The following RPS6KA3 variants were observed in gnomAD, a reference collection of about 807,000 sequenced individuals.
RPS6KA3 encodes the protein ribosomal protein S6 kinase A3.
Under a neutral mutation model 67.2 loss-of-function variants are expected in RPS6KA3, and 4 were observed. The observed-to-expected ratio is 0.06, with a 90% confidence interval of 0.03 to 0.14. The LOEUF (loss-of-function observed/expected upper bound fraction) is 0.14. Ranked by LOEUF, RPS6KA3 falls within the 10% of genes least tolerant of loss-of-function variation. The pLI is 1.00. For synonymous variants in RPS6KA3, 182 were observed against 183.7 expected (o/e 0.99, Z 0.07); for missense variants, 204 against 559.0 (o/e 0.36, Z 6.40).
chrX:20,151,992 C>G lies in RPS6KA3; in HGVS notation c.*3406G>C, dbSNP rs919132090. On this transcript the variant is annotated 3_prime_UTR_variant, in exon 22 of 22. Coordinates refer to ENST00000379565, the MANE Select transcript of RPS6KA3 (RefSeq NM_004586.3). The stretch of plus-strand genomic sequence containing the variant: ...CACCTCCCATGATGTCCCCTGGCCC[C>G]AACAGCAGTCACTTCTTAAAAAGAG... The G allele has an allele frequency of 1.8e-5, 2 of 112,132 alleles. No individual in the cohort carries two copies. Among genetic ancestry groups the G allele is most frequent in the East Asian group, 2.8e-4 (1 of 3,596 alleles). The allele number at this position is 112,132 out of a possible 1,213,427, so 9.2% of individuals were successfully genotyped here.
Position 20,266,755 on chromosome X carries a change from C to A in RPS6KA3, c.-123G>T. On this transcript the variant is annotated 5_prime_UTR_variant, in exon 1 of 22. Coordinates refer to ENST00000379565, the MANE Select transcript of RPS6KA3 (RefSeq NM_004586.3). ...GCGGCGGCGGCGGCGGCGGCAGCGG[C>A]AGCGGCAGCGGCAGCAGCAGCAGCA... The A allele has an allele frequency of 3.1e-6, 1 of 324,055 alleles. No individual in the cohort carries two copies. The highest frequency in any genetic ancestry group is 4.0e-6 in the Non-Finnish European group (1 of 248,872). The allele number at this position is 324,055 out of a possible 1,213,427, so 26.7% of individuals were successfully genotyped here. A position where few individuals can be genotyped will look rare whatever the true frequency, so the allele number is the denominator to read the frequency against.
chrX:20,206,803 C>G (rs1320531339), intron 3 of RPS6KA3, among the ~76,000 whole-genome samples: 1 of 111,495 alleles, frequency 9.0e-6, no homozygotes, highest in Non-Finnish European at 1.9e-5. Flanking sequence ...GAGGAAGAGG[C>G]AGGGGTAGAG....
intron 2 of RPS6KA3, 145 bp downstream of exon 2, chrX:20,234,613 C>T: frequency 2.1e-6 from 1 of 484,689 alleles, no homozygotes; most frequent in Non-Finnish European, 3.7e-6. Flanking sequence ...CTGGCATACT[C>T]AATAATGTAG....
intron 4 of RPS6KA3, among the ~76,000 whole-genome samples, chrX:20,198,382 T>G (rs114952916): frequency 0.025 from 2,805 of 111,744 alleles, 95 homozygotes; most frequent in African/African-American, 0.086. Flanking sequence ...AAAGAAAAGA[T>G]AGCAAAAGAC....
Position 20,175,284 on chromosome X carries a change from T to A in RPS6KA3, c.1107A>T (p.Ser369=). Residue 369 remains serine, a synonymous_variant, in exon 14 of 22, where the codon TCA becomes TCT. Transcript: ENST00000379565. ...PEFTAKTPKD[S]PGIPPSANAH... is the part of the protein sequence containing the mutation. The stretch of plus-strand genomic sequence containing the variant: ...CATTAGCACTAGGTGGAATGCCAGG[T>A]GAATCTGAAAAGAGTAAGAAGTGAC... 8.3e-7 allele frequency: 1 copy of A among 1,209,219 alleles called. No homozygotes were observed. Among genetic ancestry groups the A allele is most frequent in the East Asian group, 3.0e-5 (1 of 33,786 alleles).
intron 1 of RPS6KA3, among the ~76,000 whole-genome samples, chrX:20,245,481 T>A (rs1433993020): frequency 8.9e-6 from 1 of 111,844 alleles, no homozygotes; most frequent in Non-Finnish European, 1.9e-5. Flanking sequence ...AAGAAAAAAA[T>A]ACAATATTGG....
intron 2 of RPS6KA3, among the ~76,000 whole-genome samples, chrX:20,227,602 G>C (rs1009632267): frequency 9.0e-6 from 1 of 110,569 alleles, no homozygotes; most frequent in African/African-American, 3.3e-5. Context: ...TTGAGAGTAG[G>C]GCTTTTTAAA....
Position 20,152,558 on chromosome X carries a change from G to T in RPS6KA3, c.*2840C>A, listed in dbSNP as rs201718012. On this transcript the variant is annotated 3_prime_UTR_variant, in exon 22 of 22. Coordinates refer to ENST00000379565, the MANE Select transcript of RPS6KA3 (RefSeq NM_004586.3). ...TGGCAGCACTAATTGGTGAAAGGCAGAAGCCTTTAGGGGCCTCAATACCAC... is the reference window on the plus strand; with the variant it reads ...TGGCAGCACTAATTGGTGAAAGGCATAAGCCTTTAGGGGCCTCAATACCAC... The T allele has an allele frequency of 3.6e-5, 4 of 112,154 alleles. No individual in the cohort carries two copies. In the East Asian group the frequency reaches 1.1e-3, roughly 31 times the overall value. 9.2% of individuals were successfully genotyped at this position (112,154 alleles called of 1,213,427 possible).
chrX:20,216,208 C>T (rs951986057), intron 2 of RPS6KA3, among the ~76,000 whole-genome samples: 3 of 111,498 alleles, frequency 2.7e-5, no homozygotes, highest in African/African-American at 9.8e-5. Context: ...ATTTGATAAG[C>T]AAAAGTCTGA....
At chrX:20,186,430 T>TA (rs758237862) in intron 9 of RPS6KA3, 64 bp from the exon 10 acceptor site, 2,552 of 551,739 alleles carry the variant, frequency 4.6e-3, no homozygotes, top group Non-Finnish European at 5.3e-3. Flanking sequence ...GGCCAGAAGG[T>TA]AAAAAAAAAA....
intron 10 of RPS6KA3, among the ~76,000 whole-genome samples, chrX:20,186,077 G>A (rs1424903336): frequency 9.0e-6 from 1 of 111,093 alleles, no homozygotes; most frequent in Non-Finnish European, 1.9e-5. Context: ...GTACTGCTGA[G>A]ACTACAGGTG....
intron 1 of RPS6KA3, among the ~76,000 whole-genome samples, chrX:20,257,552 A>C (rs1339871869): frequency 8.9e-6 from 1 of 112,217 alleles, no homozygotes; most frequent in Non-Finnish European, 1.9e-5. Context: ...CAATTTTCTT[A>C]CATAAATAGG....
chrX:20,191,800 CTT>C (rs1445760274), intron 7 of RPS6KA3, among the ~76,000 whole-genome samples: 1 of 110,681 alleles, frequency 9.0e-6, no homozygotes, highest in African/African-American at 3.3e-5. Context: ...GAGTTTCGCT[CTT>C]GTCACCCAGG....
chrX:20,162,638 G>C (rs1017668947), intron 19 of RPS6KA3, among the ~76,000 whole-genome samples: 10 of 110,737 alleles, frequency 9.0e-5, no homozygotes, highest in African/African-American at 3.3e-4. Context: ...GAGCCCAGGA[G>C]TTTGAAACCA....
At chrX:20,190,410 C>G (rs2068093108) in intron 7 of RPS6KA3, among the ~76,000 whole-genome samples, 1 of 111,938 alleles carries the variant, frequency 8.9e-6, no homozygotes, top group African/African-American at 3.2e-5. Context: ...TTAATAGCAT[C>G]ATCTAGACAT....
Position 20,151,400 on chromosome X carries a change from T to C in RPS6KA3, c.*3998A>G, listed in dbSNP as rs193049962. 7 of 112,693 alleles carry C rather than the reference T, an allele frequency of 6.2e-5. No individual in the cohort carries two copies. In the East Asian group the frequency reaches 8.4e-4, roughly 13 times the overall value. 9.3% of individuals were successfully genotyped at this position (112,693 alleles called of 1,213,427 possible). A position where few individuals can be genotyped will look rare whatever the true frequency, so the allele number is the denominator to read the frequency against. On this transcript the variant is annotated 3_prime_UTR_variant, in exon 22 of 22. Coordinates refer to ENST00000379565, the MANE Select transcript of RPS6KA3 (RefSeq NM_004586.3). ...TTGAAAAGAGGACTGTTTTCATTAA[T>C]TGAAATAAAAATACTGAGTTAAGTC...
chrX:20,186,264 C>T, intron 10 of RPS6KA3, 32 bp downstream of exon 10: 2 of 960,931 alleles, frequency 2.1e-6, no homozygotes, highest in African/African-American at 1.9e-5. Context: ...TTTAAAATCT[C>T]ATCAAAACAT....
chrX:20,199,156 C>A (rs1223606747), intron 4 of RPS6KA3, among the ~76,000 whole-genome samples: 1 of 111,974 alleles, frequency 8.9e-6, no homozygotes, highest in Non-Finnish European at 1.9e-5. Context: ...AGGCGTGAGC[C>A]ACCGTACCCA....
At chrX:20,205,502 A>G (rs993105945) in intron 3 of RPS6KA3, among the ~76,000 whole-genome samples, 3 of 112,422 alleles carry the variant, frequency 2.7e-5, no homozygotes, top group African/African-American at 9.7e-5. Flanking sequence ...ATCCCAAATC[A>G]AGTGAAGAGC....
Sources: allele counts gnomAD v4.1 joint callset (sites outside exome capture counted in the v4.1 genomes callset), GRCh38; gene constraint gnomAD v4.1.1; transcripts MANE v1.5; gene names NCBI Gene and HGNC (gene_info 2026-07-23, HGNC 2026-07-21).